The following BBS9 variants were observed in gnomAD, a reference collection of about 807,000 sequenced individuals.
BBS9 encodes the protein protein PTHB1.
BBS9 carries 89 observed loss-of-function variants against 117.7 expected under a neutral mutation model. The ratio of observed to expected loss-of-function variants is 0.76; its 90% CI spans 0.64 to 0.90. BBS9 has a LOEUF of 0.90. Among genes scored for constraint, BBS9 ranks in the 40% least tolerant of loss-of-function variants. The pLI is 0.00. For missense variants in BBS9, 982 were observed against 1,042.2 expected (o/e 0.94, Z 0.80); for synonymous variants, 379 against 370.9 (o/e 1.02, Z -0.25).
intron 1 of BBS9, among the ~76,000 whole-genome samples, chr7:33,136,471 A>C (rs527580199): frequency 6.6e-6 from 1 of 152,302 alleles, no homozygotes; most frequent in South Asian, 2.1e-4. Context: ...TACACTATTA[A>C]GTATGATGTA....
chr7:33,531,753 C>T (rs1477297740), intron 20 of BBS9, among the ~76,000 whole-genome samples: 5 of 152,224 alleles, frequency 3.3e-5, no homozygotes, highest in South Asian at 2.1e-4. Context: ...TGGCTCAGTG[C>T]GGGAATAGTT....
chr7:33,383,551 T>C, intron 17 of BBS9, 115 bp from the exon 18 acceptor site: 1 of 950,504 alleles, frequency 1.1e-6, no homozygotes. Context: ...TAATCATATC[T>C]TTGTTACAAA....
At chr7:33,134,512 TA>T (rs1225939538) in intron 1 of BBS9, among the ~76,000 whole-genome samples, 2 of 152,202 alleles carry the variant, frequency 1.3e-5, no homozygotes, top group African/African-American at 4.8e-5. Flanking sequence ...GATTTGCAAA[TA>T]TTTTCTCCCA....
At chr7:33,234,270 A>G (rs1482330917) in intron 5 of BBS9, among the ~76,000 whole-genome samples, 2 of 152,098 alleles carry the variant, frequency 1.3e-5, no homozygotes, top group Non-Finnish European at 2.9e-5. Flanking sequence ...TCAGGCATCC[A>G]CTGGGGGTCT....
intron 9 of BBS9, among the ~76,000 whole-genome samples, chr7:33,322,588 T>A (rs1285832059): frequency 2.0e-5 from 3 of 152,008 alleles, no homozygotes; most frequent in Non-Finnish European, 4.4e-5. Flanking sequence ...TTGTACTGTC[T>A]CCCTTTTAAT....
intron 9 of BBS9, among the ~76,000 whole-genome samples, chr7:33,295,223 A>T (rs1388806405): frequency 1.3e-5 from 2 of 152,150 alleles, no homozygotes; most frequent in Non-Finnish European, 2.9e-5. Context: ...TAAAATTCTT[A>T]AACCATAGTG....
In BBS9 at chr7:33,322,727, A is replaced by G. The variant is rs560875063; in HGVS notation, c.1017-13714A>G. Among the ~76,000 whole-genome samples the G allele has an allele frequency of 2.0e-5, 3 of 151,918 alleles. No individual in the cohort carries two copies. The East Asian group carries it at 5.8e-4, about 29-fold the overall frequency. On this transcript the variant is annotated intron_variant, in intron 9 of 22. Coordinates refer to ENST00000242067, the MANE Select transcript of BBS9 (RefSeq NM_198428.3). ...TTTTTGTATTGTTTTCTTTATTTCA[A>G]TGTCATTTATTTCTTCTGTGATGTT...
At chr7:33,441,289 A>G (rs934039030) in intron 19 of BBS9, among the ~76,000 whole-genome samples, 1 of 146,998 alleles carries the variant, frequency 6.8e-6, no homozygotes. Flanking sequence ...CCAAAAAAAA[A>G]AAATAAAATA....
intron 9 of BBS9, among the ~76,000 whole-genome samples, chr7:33,311,295 G>A (rs1039200971): frequency 4.6e-5 from 7 of 152,124 alleles, no homozygotes; most frequent in African/African-American, 1.4e-4. Context: ...TGTTCAAAGG[G>A]TTTTGATTTC....
chr7:33,596,754 A>C (rs147803719), intron 21 of BBS9, among the ~76,000 whole-genome samples: 1 of 152,098 alleles, frequency 6.6e-6, no homozygotes, highest in Non-Finnish European at 1.5e-5. Flanking sequence ...GTAGAAGTGC[A>C]TACACAGAAA....
chr7:33,590,464 T>TTTGTTTTTGTTTTG (rs1167879309), intron 21 of BBS9, among the ~76,000 whole-genome samples: 1 of 147,036 alleles, frequency 6.8e-6, no homozygotes, highest in East Asian at 2.0e-4. Context: ...TTTTTGTTTT[T>TTTGTTTTTGTTTTG]TTTTTTTTTT....
intron 21 of BBS9, among the ~76,000 whole-genome samples, chr7:33,546,976 C>T (rs987087130): frequency 6.6e-6 from 1 of 152,282 alleles, no homozygotes; most frequent in Middle Eastern, 3.4e-3. Context: ...GCCGCACATG[C>T]AGACACACAC....
chr7:33,206,502 A>G (rs1004479302), intron 5 of BBS9, among the ~76,000 whole-genome samples: 5 of 152,022 alleles, frequency 3.3e-5, no homozygotes, highest in Non-Finnish European at 7.4e-5. Flanking sequence ...AGGTTTGCCT[A>G]TTGTTAATAT....
chr7:33,590,928 T>G (rs1861811453), intron 21 of BBS9, among the ~76,000 whole-genome samples: 1 of 152,080 alleles, frequency 6.6e-6, no homozygotes, highest in Non-Finnish European at 1.5e-5. Flanking sequence ...GAGGCCATGC[T>G]TTTGAAGCAA....
chr7:33,457,497 C>T (rs1838815314), intron 19 of BBS9, among the ~76,000 whole-genome samples: 1 of 152,106 alleles, frequency 6.6e-6, no homozygotes, highest in Non-Finnish European at 1.5e-5. Context: ...AGCACTGTCA[C>T]TATAGTCACT....
chr7:33,185,146 T>A (rs1351707734), intron 5 of BBS9, among the ~76,000 whole-genome samples: 1 of 152,148 alleles, frequency 6.6e-6, no homozygotes, highest in Non-Finnish European at 1.5e-5. Context: ...GTCGCCATCT[T>A]GGTTTTGGTG....
chr7:33,333,680 G>A (rs1333210658), intron 9 of BBS9, among the ~76,000 whole-genome samples: 1 of 151,280 alleles, frequency 6.6e-6, no homozygotes, highest in Non-Finnish European at 1.5e-5. Context: ...CAGTGGTCTC[G>A]GCTCACTGCA....
At chr7:33,541,876 G>A (rs1043065901) in intron 21 of BBS9, among the ~76,000 whole-genome samples, 1 of 152,092 alleles carries the variant, frequency 6.6e-6, no homozygotes, top group African/African-American at 2.4e-5. Context: ...AGATTGTGGT[G>A]ATATGACTAT....
chr7:33,416,270 C>T (rs76989747), intron 19 of BBS9, among the ~76,000 whole-genome samples: 2 of 151,420 alleles, frequency 1.3e-5, no homozygotes, highest in East Asian at 1.9e-4. Flanking sequence ...CAGGCTGCCC[C>T]CTTCACATGG....
Sources: gnomAD v4.1 joint callset for allele counts (sites outside exome capture counted in the v4.1 genomes callset) on GRCh38, gnomAD v4.1.1 for gene constraint, MANE v1.5 for transcripts, NCBI Gene and HGNC (gene_info 2026-07-23, HGNC 2026-07-21) for gene names.